Variants in PIP4K2A observed in about 807,000 individuals in gnomAD.
The protein encoded by PIP4K2A is phosphatidylinositol-5-phosphate 4-kinase type 2 alpha, also known as phosphatidylinositol 5-phosphate 4-kinase type-2 alpha.
Under a neutral mutation model 42.9 loss-of-function variants are expected in PIP4K2A, and 14 were observed. The observed-to-expected ratio is 0.33, with a 90% CI of 0.22 to 0.51. The LOEUF (loss-of-function observed/expected upper bound fraction) is 0.51. Ranked by LOEUF, PIP4K2A falls within the 20% of genes least tolerant of loss-of-function variation. PIP4K2A has a pLI of 0.97. For missense variants in PIP4K2A, 434 were observed against 519.8 expected (o/e 0.83, Z 1.61); for synonymous variants, 192 against 192.2 (o/e 1.00, Z 0.01).
intron 1 of PIP4K2A, among the ~76,000 whole-genome samples, chr10:22,710,387 C>A (rs989564506): frequency 7.9e-5 from 12 of 152,372 alleles, no homozygotes; most frequent in Admixed American, 7.8e-4. Context: ...GTTTTTATAA[C>A]TGCTTAGTCC....
chr10:22,578,273 C>T (rs977571070), intron 4 of PIP4K2A, among the ~76,000 whole-genome samples: 3 of 152,148 alleles, frequency 2.0e-5, no homozygotes, highest in Non-Finnish European at 4.4e-5. Context: ...GAGCTGTCTA[C>T]GCTTATTTTC....
intron 3 of PIP4K2A, among the ~76,000 whole-genome samples, chr10:22,604,924 G>A (rs566842724): frequency 9.2e-5 from 14 of 152,150 alleles, no homozygotes; most frequent in African/African-American, 2.7e-4. Flanking sequence ...CCCGCCTGCC[G>A]CCTGAATCCC....
intron 6 of PIP4K2A, among the ~76,000 whole-genome samples, chr10:22,561,475 G>A (rs1035679931): frequency 6.7e-6 from 1 of 149,734 alleles, no homozygotes; most frequent in African/African-American, 2.5e-5. Context: ...TGGAAAACTA[G>A]AAGTTATAAT....
chr10:22,699,251 C>T (rs1833661512), intron 1 of PIP4K2A, among the ~76,000 whole-genome samples: 1 of 152,086 alleles, frequency 6.6e-6, no homozygotes, highest in Admixed American at 6.6e-5. Flanking sequence ...CAGGCAGAAC[C>T]TAATTTATGA....
intron 1 of PIP4K2A, among the ~76,000 whole-genome samples, chr10:22,616,017 TGCTGCCCGGCCATTGGGCATCAAA>T (rs141874086): frequency 0.059 from 9,052 of 152,272 alleles, 351 homozygotes; most frequent in Middle Eastern, 0.15. Flanking sequence ...TGCACTGCCT[TGCTGCCCGGCCATTGGGCATCAAA>T]GCTGCCCATG....
chr10:22,619,342 G>T (rs1204575719), intron 1 of PIP4K2A, among the ~76,000 whole-genome samples: 1 of 152,062 alleles, frequency 6.6e-6, no homozygotes, highest in Non-Finnish European at 1.5e-5. Flanking sequence ...AAAACGGGCA[G>T]CTGAAAATGT....
intron 1 of PIP4K2A, among the ~76,000 whole-genome samples, chr10:22,637,956 T>C (rs1488826389): frequency 1.3e-5 from 2 of 152,242 alleles, no homozygotes; most frequent in African/African-American, 4.8e-5. Flanking sequence ...AGTTCTGTAA[T>C]GGATGTATAA....
At chr10:22,711,940 T>C (rs1253494993) in intron 1 of PIP4K2A, among the ~76,000 whole-genome samples, 1 of 152,212 alleles carries the variant, frequency 6.6e-6, no homozygotes, top group Non-Finnish European at 1.5e-5. Flanking sequence ...AACAGACCTT[T>C]CTTATGTCAA....
intron 4 of PIP4K2A, among the ~76,000 whole-genome samples, chr10:22,583,703 A>C (rs1837328348): frequency 6.6e-6 from 1 of 152,226 alleles, no homozygotes; most frequent in African/African-American, 2.4e-5. Context: ...AGGCCTTCCC[A>C]AACATTGCAG....
chr10:22,711,529 T>C (rs1354885524), intron 1 of PIP4K2A, among the ~76,000 whole-genome samples: 1 of 152,234 alleles, frequency 6.6e-6, no homozygotes, highest in African/African-American at 2.4e-5. Flanking sequence ...TGAGTTAGAC[T>C]TGGAAATCAT....
rs1839555219 is a variant in PIP4K2A at position 22,676,206 on chromosome 10, TTTC to T, written c.144+37974_144+37976del. Reference sequence around the variant, plus strand: ...AGTAACAGTGCTTTCATTTCCCAAGTTTCTTCTGCTCAATAAGACCCTTGACCA... The same window carrying T: ...AGTAACAGTGCTTTCATTTCCCAAGTTTCTGCTCAATAAGACCCTTGACCA... On this transcript the variant is annotated intron_variant, in intron 1 of 9. Transcript: ENST00000376573. Among the ~76,000 whole-genome samples the T allele has an allele frequency of 1.7e-4, 26 of 152,252 alleles. 1 individual carries two copies. The South Asian group carries it at 5.4e-3, about 32-fold the overall frequency.
At chr10:22,714,053 G>C in intron 1 of PIP4K2A, 130 bp downstream of exon 1, 1 of 962,636 alleles carries the variant, frequency 1.0e-6, no homozygotes, top group Non-Finnish European at 1.5e-6. Context: ...GCTTCGAGGC[G>C]GGCGAGCAGC....
intron 1 of PIP4K2A, among the ~76,000 whole-genome samples, chr10:22,699,061 C>CA (rs2130913038): frequency 6.6e-6 from 1 of 152,236 alleles, no homozygotes; most frequent in South Asian, 2.1e-4. Flanking sequence ...GTGAATTAGA[C>CA]AAAAAGATTA....
chr10:22,602,220 CTG>C (rs1837798537), intron 3 of PIP4K2A, among the ~76,000 whole-genome samples: 2 of 151,866 alleles, frequency 1.3e-5, no homozygotes, highest in Non-Finnish European at 1.5e-5. Flanking sequence ...TGGCAAAACC[CTG>C]TGTCTTCAAA....
chr10:22,591,608 A>G (rs1837512763), intron 4 of PIP4K2A, 21 bp downstream of exon 4: 1 of 1,583,926 alleles, frequency 6.3e-7, no homozygotes, highest in Non-Finnish European at 8.6e-7. Context: ...GGAGTTTCAA[A>G]TAAAGATCAA....
chr10:22,675,935 T>C (rs1220674552), intron 1 of PIP4K2A, among the ~76,000 whole-genome samples: 3 of 152,230 alleles, frequency 2.0e-5, no homozygotes, highest in African/African-American at 4.8e-5. Flanking sequence ...ATTCCTTAAA[T>C]ACTTTGGAAA....
chr10:22,656,798 A>G (rs1233660842), intron 1 of PIP4K2A, among the ~76,000 whole-genome samples: 2 of 140,210 alleles, frequency 1.4e-5, no homozygotes, highest in African/African-American at 5.3e-5. Context: ...ACTCCATCTC[A>G]AAAAAAAAAA....
At position 22,660,865 on chromosome 10, in the gene PIP4K2A, A is replaced by C. The variant is rs12243273; in HGVS notation, c.145-51148T>G. Among the ~76,000 whole-genome samples the C allele has an allele frequency of 5.8e-3, 880 of 152,298 alleles. 5 individuals carry two copies. The highest frequency in any genetic ancestry group is 0.02 in the African/African-American group (831 of 41,562). On this transcript the variant is annotated intron_variant, in intron 1 of 9. Coordinates refer to ENST00000376573, the MANE Select transcript of PIP4K2A (RefSeq NM_005028.5). ...AACTACAATGGTGGATACCTGTCATACATTTGTCAAAACCCACAGAACATG... is the reference window on the plus strand; with the variant it reads ...AACTACAATGGTGGATACCTGTCATCCATTTGTCAAAACCCACAGAACATG...
chr10:22,695,076 A>T (rs1284323619), intron 1 of PIP4K2A, among the ~76,000 whole-genome samples: 1 of 152,214 alleles, frequency 6.6e-6, no homozygotes, highest in Admixed American at 6.5e-5. Flanking sequence ...CCAGACCTTC[A>T]AATTGCTTTA....
Sources: allele counts gnomAD v4.1 joint callset (sites outside exome capture counted in the v4.1 genomes callset), GRCh38; gene constraint gnomAD v4.1.1; transcripts MANE v1.5; gene names NCBI Gene and HGNC (gene_info 2026-07-23, HGNC 2026-07-21).